PRDM15: variants seen among roughly 807,000 people sequenced by gnomAD.
PRDM15 encodes the protein PR domain zinc finger protein 15.
In PRDM15, 64 loss-of-function variants were observed where a neutral mutation model predicts 128.6. The ratio of observed to expected loss-of-function variants is 0.50; its 90% CI spans 0.41 to 0.61. The LOEUF (loss-of-function observed/expected upper bound fraction) is 0.61. PRDM15 is among the 20% of genes least tolerant of loss of function. PRDM15 has a pLI of 0.00. For missense variants in PRDM15, 1,242 were observed against 1,569.1 expected (o/e 0.79, Z 3.52); for synonymous variants, 615 against 621.8 (o/e 0.99, Z 0.16).
In PRDM15 at chr21:41,836,657, G is replaced by T. The variant is rs2062907311; in HGVS notation, c.1002-8C>A. 6.3e-7 allele frequency: 1 copy of T among 1,584,446 alleles called. No individual in the cohort carries two copies. The highest frequency in any genetic ancestry group is 8.6e-7 in the Non-Finnish European group (1 of 1,157,394). The stretch of plus-strand genomic sequence containing the variant: ...TTCTGATGATGGGTGAACCTGCCCA[G>T]GGACGTCAATAAGTTGGGAAAAGAC... On this transcript the variant is annotated splice_region_variant and splice_polypyrimidine_tract_variant and intron_variant, in intron 8 of 23. Transcript: ENST00000398548.
chr21:41,824,297 C>A (rs1403458403), intron 13 of PRDM15, among the ~76,000 whole-genome samples: 1 of 152,150 alleles, frequency 6.6e-6, no homozygotes, highest in African/African-American at 2.4e-5. Context: ...AGCGCTGTGC[C>A]CCATCCCAGG....
At chr21:41,820,356 G>C (rs533346052) in intron 16 of PRDM15, among the ~76,000 whole-genome samples, 182 bp from the exon 17 acceptor site, 8 of 152,180 alleles carry the variant, frequency 5.3e-5, no homozygotes, top group Admixed American at 6.5e-5. Flanking sequence ...TTCCTACATC[G>C]AAGTCTTAAC....
At chr21:41,878,742 C>T in intron 1 of PRDM15, 1 of 1,565,846 alleles carries the variant, frequency 6.4e-7, no homozygotes, top group Non-Finnish European at 8.6e-7. Flanking sequence ...AGGGACCCCC[C>T]CGTGCGACCC....
At chr21:41,819,321 C>T (rs1052676259) in intron 18 of PRDM15, among the ~76,000 whole-genome samples, 2 of 151,244 alleles carry the variant, frequency 1.3e-5, no homozygotes, top group African/African-American at 4.9e-5. Context: ...CCCCCAGCAC[C>T]CACACCCACC....
At chr21:41,848,815 C>T (rs1363755584) in intron 5 of PRDM15, among the ~76,000 whole-genome samples, 1 of 152,208 alleles carries the variant, frequency 6.6e-6, no homozygotes, top group Admixed American at 6.5e-5. Context: ...ACTGCCCGCT[C>T]ATCAAGAGAA....
chr21:41,816,140 C>T (rs766967067), intron 18 of PRDM15, among the ~76,000 whole-genome samples: 4 of 152,260 alleles, frequency 2.6e-5, no homozygotes, highest in East Asian at 1.9e-4. Flanking sequence ...CATGGCAACC[C>T]GGCGGGAGAA....
rs963040336 is a variant in PRDM15, at chr21:41,878,987, C to A, written c.-10+283G>T. The A allele has an allele frequency of 1.4e-5, 14 of 999,402 alleles. No individual in the cohort carries two copies. The African/African-American group carries it at 2.3e-4, about 17-fold the overall frequency. 61.9% of individuals were successfully genotyped at this position (999,402 alleles called of 1,614,324 possible). On this transcript the variant is annotated intron_variant, in intron 1 of 23. Transcript: ENST00000398548. ...GGAGCCCGGCCAGGAGCGCCCGCGGCGGCGGGACCCGGCGGGCGGGCGGCG... is the reference window on the plus strand; with the variant it reads ...GGAGCCCGGCCAGGAGCGCCCGCGGAGGCGGGACCCGGCGGGCGGGCGGCG...
chr21:41,803,963 A>AT (rs72214468), intron 22 of PRDM15, among the ~76,000 whole-genome samples: 14,947 of 132,418 alleles, frequency 0.11, 970 homozygotes, highest in Non-Finnish European at 0.13. Flanking sequence ...GATTGTTCTG[A>AT]TTTTTTTTTT....
At chr21:41,820,046 C>T (rs1488204414) in intron 17 of PRDM15, 49 bp downstream of exon 17, 3 of 1,512,458 alleles carry the variant, frequency 2.0e-6, no homozygotes, top group Non-Finnish European at 9.2e-7. Flanking sequence ...CCCTCCCTGC[C>T]AGCCCCCTCC....
At chr21:41,802,473 T>C (rs1317865468) in intron 23 of PRDM15, among the ~76,000 whole-genome samples, 1 of 152,206 alleles carries the variant, frequency 6.6e-6, no homozygotes, top group Non-Finnish European at 1.5e-5. Flanking sequence ...ATATCTCTCT[T>C]CAACATGCTA....
intron 1 of PRDM15, among the ~76,000 whole-genome samples, chr21:41,866,789 C>T (rs2064023459): frequency 6.6e-6 from 1 of 152,182 alleles, no homozygotes; most frequent in Non-Finnish European, 1.5e-5. Flanking sequence ...CTTCCACACA[C>T]ACTACACAAC....
Position 41,828,402 on chromosome 21 carries a change from T to A in PRDM15, c.1367-69A>T, listed in dbSNP as rs1336032694. On this transcript the variant is annotated intron_variant, in intron 11 of 23. Transcript: ENST00000398548. This position sits in a 1 kb window ranked among gnomAD's most constrained non-coding sequence, Gnocchi z 5.7. Reference sequence around the variant, plus strand: ...AACATCTCACGCAGGCACGCACGTGTGGCCTGAACGTCAATAAAGCGCGGG... The same window carrying A: ...AACATCTCACGCAGGCACGCACGTGAGGCCTGAACGTCAATAAAGCGCGGG... 1.9e-6 allele frequency: 3 copies of A among 1,550,038 alleles called. No homozygotes were observed. The East Asian group carries it at 6.7e-5, about 35-fold the overall frequency.
Position 41,810,642 on chromosome 21 carries a change from G to T in PRDM15, c.2476+111C>A. 1.1e-6 allele frequency: 1 copy of T among 880,776 alleles called. No homozygotes were observed. Among genetic ancestry groups the T allele is most frequent in the Non-Finnish European group, 1.8e-6 (1 of 540,848 alleles). 54.6% of individuals were successfully genotyped at this position (880,776 alleles called of 1,614,324 possible). A position where few individuals can be genotyped will look rare whatever the true frequency, so the allele number is the denominator to read the frequency against. ...ATGAAGCCAAGACAACACTAAATGTGCTGGAACCGTCTAGATAATAGAATA... is the reference window on the plus strand; with the variant it reads ...ATGAAGCCAAGACAACACTAAATGTTCTGGAACCGTCTAGATAATAGAATA... On this transcript the variant is annotated intron_variant, in intron 20 of 23. Transcript: ENST00000398548. The surrounding 1 kb of genome is among the most constrained non-coding windows in gnomAD (Gnocchi z 6.4).
At chr21:41,804,270 T>C (rs999839120) in intron 22 of PRDM15, among the ~76,000 whole-genome samples, 2 of 152,210 alleles carry the variant, frequency 1.3e-5, no homozygotes, top group Admixed American at 1.3e-4. Flanking sequence ...AGCCAATTGT[T>C]CTAATTTCTA....
intron 11 of PRDM15, among the ~76,000 whole-genome samples, chr21:41,829,722 G>A (rs2062616256): frequency 7.0e-6 from 1 of 143,726 alleles, no homozygotes; most frequent in African/African-American, 2.6e-5. Context: ...ACACACACGA[G>A]CCCCACATAA....
rs2061452756 is a variant in PRDM15 at position 41,802,840 on chromosome 21, T to C, written c.2815A>G (p.Lys939Glu). The C allele has an allele frequency of 6.2e-7, 1 of 1,614,190 alleles. No individual in the cohort carries two copies. ...AAKRSHKRKQKPEEEAGAPVP... is the reference protein window; with the variant it reads ...AAKRSHKRKQEPEEEAGAPVP... The stretch of plus-strand genomic sequence containing the variant: ...GGAGCACCCGCCTCCTCTTCTGGCT[T>C]CTGCTTTCTCTTGTGACTTCGCTTG... Residue 939 changes from lysine (K) to glutamate (E), a missense_variant, in exon 23 of 24, where the codon AAG (lysine) becomes GAG (glutamate). By Grantham distance (56) the Lys-to-Glu change is moderately conservative (BLOSUM62 1). Around this residue, in one of 3 missense-constraint regions of PRDM15, gnomAD observed 602 missense variants for 788.3 expected, o/e 0.76. Coordinates refer to ENST00000398548, the MANE Select transcript of PRDM15 (RefSeq NM_001040424.3).
intron 1 of PRDM15, among the ~76,000 whole-genome samples, chr21:41,874,529 T>TTTTTTG (rs1356133192): frequency 2.2e-5 from 3 of 133,426 alleles, no homozygotes; most frequent in Admixed American, 7.4e-5. Flanking sequence ...ATATATATTT[T>TTTTTTG]TTTTTTTTTT....
chr21:41,801,090 C>T lies in PRDM15; in HGVS notation c.*150G>A, dbSNP rs771662285. 5.7e-5 allele frequency: 65 copies of T among 1,149,364 alleles called. No homozygotes were observed. The highest frequency in any genetic ancestry group is 7.8e-5 in the Non-Finnish European group (65 of 828,932). The allele number at this position is 1,149,364 out of a possible 1,614,324, so 71.2% of individuals were successfully genotyped here. The stretch of plus-strand genomic sequence containing the variant: ...TTAAGCTGACAGACCGTAATGGTTG[C>T]TGGCGGGGGATCTGGAGATACTCTG... On this transcript the variant is annotated 3_prime_UTR_variant, in exon 24 of 24. Coordinates refer to ENST00000398548, the MANE Select transcript of PRDM15 (RefSeq NM_001040424.3).
intron 18 of PRDM15, among the ~76,000 whole-genome samples, chr21:41,818,867 T>C (rs1405376650): frequency 1.3e-5 from 2 of 152,214 alleles, no homozygotes; most frequent in Non-Finnish European, 2.9e-5. Flanking sequence ...GACATCTTAT[T>C]ACTAGGTTTG....
Sources: gnomAD v4.1 joint callset for allele counts (sites outside exome capture counted in the v4.1 genomes callset) on GRCh38, gnomAD v4.1.1 for gene constraint, gnomAD v4.1.1 regional missense constraint, Gnocchi (gnomAD v3.1) non-coding constraint, MANE v1.5 for transcripts, NCBI Gene and HGNC (gene_info 2026-07-23, HGNC 2026-07-21) for gene names.